The following GPSM2 variants were observed in gnomAD, a reference collection of about 807,000 sequenced individuals.
GPSM2 encodes the protein G protein signaling modulator 2, also known as G protein-signaling modulator 2.
Under a neutral mutation model 78.4 loss-of-function variants are expected in GPSM2, and 58 were observed. That is an observed-to-expected ratio of 0.74 (90% CI 0.60 to 0.92). The LOEUF (loss-of-function observed/expected upper bound fraction) is 0.92. Among genes scored for constraint, GPSM2 ranks in the 40% least tolerant of loss-of-function variants. The pLI, the probability that GPSM2 is intolerant of heterozygous loss-of-function variation, is 0.00. For missense variants in GPSM2, 700 were observed against 815.5 expected, an observed-to-expected ratio of 0.86 and a Z score of 1.73; for synonymous variants, 224 against 280.2, an observed-to-expected ratio of 0.80 and a Z score of 2.00.
chr1:108,924,456 TAGAG>T (rs989874013), intron 14 of GPSM2: 4 of 548,700 alleles, frequency 7.3e-6, no homozygotes, highest in Admixed American at 3.0e-5. Flanking sequence ...TGTATATATA[TAGAG>T]AGAGAGTATA....
At chr1:108,909,189 T>C (rs1649509353) in intron 10 of GPSM2, among the ~76,000 whole-genome samples, 1 of 144,900 alleles carries the variant, frequency 6.9e-6, no homozygotes, top group South Asian at 2.3e-4. Flanking sequence ...GAAGATTTTG[T>C]TGTATGTTTG....
chr1:108,878,860 C>T (rs1665754988), intron 1 of GPSM2, among the ~76,000 whole-genome samples: 1 of 152,136 alleles, frequency 6.6e-6, no homozygotes, highest in Non-Finnish European at 1.5e-5. Flanking sequence ...ATGCCCACAC[C>T]AACTGAGAGT....
intron 1 of GPSM2, among the ~76,000 whole-genome samples, chr1:108,880,017 A>G (rs530926964): frequency 6.6e-6 from 1 of 152,028 alleles, no homozygotes; most frequent in South Asian, 2.1e-4. Flanking sequence ...CCTTTCCTTC[A>G]TTTGGCTAAT....
At chr1:108,880,918 A>C (rs1443451879) in intron 1 of GPSM2, among the ~76,000 whole-genome samples, 1 of 152,214 alleles carries the variant, frequency 6.6e-6, no homozygotes, top group Non-Finnish European at 1.5e-5. Flanking sequence ...AATTCGAAGA[A>C]GCACAAAATG....
chr1:108,891,747 C>T (rs1031697054), intron 2 of GPSM2, among the ~76,000 whole-genome samples: 1 of 150,552 alleles, frequency 6.6e-6, no homozygotes, highest in Non-Finnish European at 1.5e-5. Context: ...TCAAGCGATC[C>T]ACCCCCCCTT....
intron 2 of GPSM2, among the ~76,000 whole-genome samples, chr1:108,887,403 A>T (rs1647646763): frequency 1.3e-5 from 2 of 151,878 alleles, no homozygotes; most frequent in African/African-American, 2.4e-5. Context: ...TTACCCTGGG[A>T]CTCCGAGGCG....
At chr1:108,908,826 G>T (rs1237891456) in intron 10 of GPSM2, among the ~76,000 whole-genome samples, 1 of 151,130 alleles carries the variant, frequency 6.6e-6, no homozygotes, top group Non-Finnish European at 1.5e-5. Flanking sequence ...CACACAGGGA[G>T]ACCGCCATCT....
intron 8 of GPSM2, 106 bp downstream of exon 8, chr1:108,902,051 T>C (rs1648868341): frequency 2.6e-6 from 2 of 776,484 alleles, no homozygotes; most frequent in Non-Finnish European, 4.4e-6. Context: ...TTAAAATCCC[T>C]TTTAAGGAAT....
chr1:108,917,854 A>G (rs1231321038), intron 11 of GPSM2, among the ~76,000 whole-genome samples: 1 of 151,040 alleles, frequency 6.6e-6, no homozygotes, highest in Non-Finnish European at 1.5e-5. Context: ...GGATTGGTGG[A>G]AATGTTCTTT....
chr1:108,917,595 T>TACACACACACACACACACAC (rs71593443), intron 11 of GPSM2, among the ~76,000 whole-genome samples: 2 of 57,278 alleles, frequency 3.5e-5, no homozygotes, highest in African/African-American at 1.3e-4. Context: ...AACAAATGTA[T>TACACACACACACACACACAC]ACACACACAC....
rs1400466084 is a variant in GPSM2, at chr1:108,933,437, C to T, written c.*3497C>T. The T allele has an allele frequency of 4.8e-5, 7 of 145,754 alleles. No individual in the cohort carries two copies. Among genetic ancestry groups the T allele is most frequent in the Non-Finnish European group, 9.0e-5 (6 of 66,604 alleles). 9.0% of individuals were successfully genotyped at this position (145,754 alleles called of 1,614,324 possible). On this transcript the variant is annotated 3_prime_UTR_variant, in exon 15 of 15. Transcript: ENST00000264126. ...GGACTGTAGGCATGAGCCACTGCAC[C>T]TGGCCTAAAATTACATTGTTACAGG...
At chr1:108,926,615 C>G (rs1189778742) in intron 14 of GPSM2, 2 of 151,872 alleles carry the variant, frequency 1.3e-5, no homozygotes, top group Non-Finnish European at 2.9e-5. Flanking sequence ...ATCAGTGTAA[C>G]ACATAATATA....
intron 2 of GPSM2, among the ~76,000 whole-genome samples, chr1:108,887,209 G>C (rs1310941298): frequency 1.3e-5 from 2 of 152,054 alleles, no homozygotes. Flanking sequence ...TCTTTATTGT[G>C]CTGTCTCCAA....
intron 11 of GPSM2, 119 bp downstream of exon 11, chr1:108,914,527 T>C: frequency 2.6e-6 from 2 of 759,370 alleles, no homozygotes; most frequent in Middle Eastern, 3.8e-4. Context: ...CTTTAAAATT[T>C]GCCTGTAAAA....
At chr1:108,882,494 A>G (rs897230762) in intron 1 of GPSM2, 6 of 152,176 alleles carry the variant, frequency 3.9e-5, no homozygotes, top group African/African-American at 1.4e-4. Flanking sequence ...GCCAAGGAAA[A>G]AAGTCTACAT....
intron 2 of GPSM2, among the ~76,000 whole-genome samples, chr1:108,893,341 T>C (rs572264803): frequency 3.3e-5 from 5 of 152,370 alleles, no homozygotes; most frequent in African/African-American, 1.2e-4. Context: ...CATCCTGAAC[T>C]GATGGTGCTG....
intron 2 of GPSM2, among the ~76,000 whole-genome samples, chr1:108,886,751 T>C (rs534674652): frequency 2.1e-4 from 32 of 152,136 alleles, no homozygotes; most frequent in African/African-American, 7.7e-4. Flanking sequence ...GACATACACA[T>C]CAGGAAAGGA....
chr1:108,927,293 T>TA (rs1260254666), intron 14 of GPSM2, among the ~76,000 whole-genome samples: 1 of 152,088 alleles, frequency 6.6e-6, no homozygotes, highest in Non-Finnish European at 1.5e-5. Flanking sequence ...AAATAGAAAA[T>TA]ATAGCCTAAA....
At chr1:108,885,971 A>T (rs543661262) in intron 2 of GPSM2, among the ~76,000 whole-genome samples, 1 of 152,080 alleles carries the variant, frequency 6.6e-6, no homozygotes, top group South Asian at 2.1e-4. Context: ...TGAACTTTTT[A>T]TTTTTGATTT....
Sources: allele counts gnomAD v4.1 joint callset (sites outside exome capture counted in the v4.1 genomes callset), GRCh38; gene constraint gnomAD v4.1.1; transcripts MANE v1.5; gene names NCBI Gene and HGNC (gene_info 2026-07-23, HGNC 2026-07-21).